The following PODNL1 variants were observed in gnomAD, a reference collection of about 807,000 sequenced individuals.
The protein encoded by PODNL1 is podocan-like protein 1.
In PODNL1, 50 loss-of-function variants were observed where a neutral mutation model predicts 45.1. The observed-to-expected ratio is 1.11, with a 90% CI of 0.88 to 1.40. The LOEUF (loss-of-function observed/expected upper bound fraction) is 1.40, where lower values mean the gene tolerates loss of function less well. PODNL1 is among the 40% of genes most tolerant of loss of function. PODNL1 has a pLI of 0.00. For synonymous variants in PODNL1, 406 were observed against 372.5 expected (o/e 1.09, Z -1.04); for missense variants, 788 against 793.3 (o/e 0.99, Z 0.08).
In PODNL1 at chr19:13,937,769, C is replaced by G; in HGVS notation, c.225+16G>C. ...TCTCAGCCCTGCATGCCCCCACTCC[C>G]CTCCGTGGGCCCCACCTGCAGGGAG... On this transcript the variant is annotated intron_variant, in intron 2 of 9. Coordinates refer to ENST00000588872, the MANE Select transcript of PODNL1 (RefSeq NM_001370095.3). 1.3e-6 allele frequency: 2 copies of G among 1,563,360 alleles called. No homozygotes were observed. Among genetic ancestry groups the G allele is most frequent in the Non-Finnish European group, 1.7e-6 (2 of 1,154,050 alleles).
rs1234834416 is a variant in PODNL1, at chr19:13,952,940, G to A, written c.18+179C>T. 4 of 886,792 alleles carry A rather than the reference G, an allele frequency of 4.5e-6. No individual in the cohort carries two copies. In the East Asian group the frequency reaches 1.2e-4, roughly 27 times the overall value. 54.9% of individuals were successfully genotyped at this position (886,792 alleles called of 1,614,324 possible). A position where few individuals can be genotyped will look rare whatever the true frequency, so the allele number is the denominator to read the frequency against. On this transcript the variant is annotated intron_variant, in intron 1 of 7. Transcript: ENST00000538371. ...AGGGAGGCGACCCCAGAGGCCGCAG[G>A]GAGAATCAGGAGGAAGGGGGCGATC... is the stretch of plus-strand genomic sequence containing the variant.
intron 3 of PODNL1, 106 bp from the exon 4 acceptor site, chr19:13,936,150 G>T: frequency 2.8e-6 from 3 of 1,082,210 alleles, no homozygotes; most frequent in Non-Finnish European, 4.1e-6. Flanking sequence ...ACTGGCAGAG[G>T]CTCCCCAGGC....
chr19:13,936,127 T>C, intron 3 of PODNL1, 83 bp from the exon 4 acceptor site: 1 of 1,286,586 alleles, frequency 7.8e-7, no homozygotes, highest in Non-Finnish European at 1.1e-6. Context: ...GCCCCAGGAC[T>C]CTCGGCCGGG....
chr19:13,952,420 G>T, intron 1 of PODNL1: 1 of 1,235,110 alleles, frequency 8.1e-7, no homozygotes, highest in Non-Finnish European at 1.0e-6. Flanking sequence ...TCGCCCAACC[G>T]GCGGGCCGCT....
chr19:13,943,443 C>T (rs1171227478), upstream of PODNL1, among the ~76,000 whole-genome samples: 3 of 152,084 alleles, frequency 2.0e-5, no homozygotes, highest in Non-Finnish European at 4.4e-5. Flanking sequence ...CTTCACTGAG[C>T]CTGTTTCTCC....
At chr19:13,941,745 G>A (rs992311344), upstream of PODNL1, among the ~76,000 whole-genome samples, 1 of 152,134 alleles carries the variant, frequency 6.6e-6, no homozygotes, top group South Asian at 2.1e-4. Flanking sequence ...CCTGGGAGGT[G>A]GAGGTTGCAG....
chr19:13,932,943 A>T lies in PODNL1; in HGVS notation c.1280T>A (p.Leu427Gln), dbSNP rs998971059. The T allele has an allele frequency of 5.8e-6, 9 of 1,563,376 alleles. No individual in the cohort carries two copies. The African/African-American group carries it at 1.2e-4, about 21-fold the overall frequency. ...CCGCAGCTGGTTGCGTTGCAGCTGC[A>T]GGGTGCGCAGGCCAGTGGGCAGGCC... Reference protein sequence around the residue: ...PMGLPTGLRTLQLQRNQLRML... With the variant: ...PMGLPTGLRTQQLQRNQLRML... The change falls in exon 8 of 10, where the codon CTG becomes CAG. Residue 427 changes from leucine to glutamine, a missense_variant. Physicochemically the swap from Leu to Gln is moderately radical, Grantham distance 113. This residue lies in a region of PODNL1 where 762 missense variants were observed against 750.9 expected (regional missense o/e 1.01). Transcript: ENST00000588872.
chr19:13,941,384 A>T (rs1183742515), upstream of PODNL1, among the ~76,000 whole-genome samples: 1 of 151,100 alleles, frequency 6.6e-6, no homozygotes, highest in South Asian at 2.1e-4. Flanking sequence ...AAAAAAAAAA[A>T]GTATAGCGTC....
Position 13,933,281 on chromosome 19 carries a change from G to C in PODNL1, c.942C>G (p.Asn314Lys). ...CGGGCAGCCCTGAGCTCCCCAGCTG[G>C]TTGTGCTGCAGCAACAAATAGCGCA... ...RGLRYLLLQHNQLGSSGLPAG... is the reference protein window; with the variant it reads ...RGLRYLLLQHKQLGSSGLPAG... Residue 314 changes from asparagine to lysine, a missense_variant, in exon 8 of 10, where the codon AAC (asparagine) becomes AAG (lysine). Transcript: ENST00000588872. This position sits in a 1 kb window ranked among gnomAD's most constrained non-coding sequence, Gnocchi z 5.2. The C allele has an allele frequency of 1.3e-6, 2 of 1,573,076 alleles. No homozygotes were observed. Among genetic ancestry groups the C allele is most frequent in the Non-Finnish European group, 8.6e-7 (1 of 1,164,694 alleles).
chr19:13,934,019 C>T (rs1226960384), intron 6 of PODNL1, 26 bp from the exon 7 acceptor site: 1 of 1,571,100 alleles, frequency 6.4e-7, no homozygotes, highest in African/African-American at 1.4e-5. Context: ...GAGAATGAGA[C>T]TTGAGTCTGG....
chr19:13,933,345 C>T lies in PODNL1; in HGVS notation c.878G>A (p.Arg293Gln), dbSNP rs200314809. The T allele has an allele frequency of 1.7e-4, 267 of 1,606,184 alleles. No individual in the cohort carries two copies. The highest frequency in any genetic ancestry group is 2.9e-4 in the South Asian group (26 of 90,696). Residue 293 changes from arginine to glutamine, a missense_variant, in exon 8 of 10, where the codon CGG becomes CAG. Around this residue, in one of 3 missense-constraint regions of PODNL1, gnomAD observed 762 missense variants for 750.9 expected, o/e 1.01. Coordinates refer to ENST00000588872, the MANE Select transcript of PODNL1 (RefSeq NM_001370095.3). This position sits in a 1 kb window ranked among gnomAD's most constrained non-coding sequence, Gnocchi z 5.2. Reference sequence around the variant, plus strand: ...GTGCAGCCGAGCCGCCTCCACCTGCCGGATGCGGTTGCGGCCCAGGTGCAG... The same window carrying T: ...GTGCAGCCGAGCCGCCTCCACCTGCTGGATGCGGTTGCGGCCCAGGTGCAG... Reference protein sequence around the residue: ...AILHLGRNRIRQVEAARLHGA... With the variant: ...AILHLGRNRIQQVEAARLHGA...
chr19:13,935,208 T>G (rs748190541), intron 5 of PODNL1, among the ~76,000 whole-genome samples: 2 of 152,096 alleles, frequency 1.3e-5, no homozygotes, highest in Non-Finnish European at 2.9e-5. Context: ...TGACACAGCA[T>G]ACAGGGCCCT....
rs758283944 is a variant in PODNL1 at position 13,946,613 on chromosome 19, C to T, written c.18+6506G>A. Among the ~76,000 whole-genome samples, 4 of 152,242 alleles carry T rather than the reference C, an allele frequency of 2.6e-5. No homozygotes were observed. In the South Asian group the frequency reaches 8.3e-4, roughly 32 times the overall value. On this transcript the variant is annotated intron_variant, in intron 1 of 7. Transcript: ENST00000538371. ...ATAATTTCTAGTTCTATTTACCTGC[C>T]CCATCCTGTTTTATGGCCCTTTTCC...
intron 1 of PODNL1, among the ~76,000 whole-genome samples, chr19:13,950,424 C>G (rs2145470168): frequency 6.6e-6 from 1 of 152,310 alleles, no homozygotes; most frequent in African/African-American, 2.4e-5. Flanking sequence ...CCCTCCTCTG[C>G]TTCCCAAAGT....
intron 1 of PODNL1, among the ~76,000 whole-genome samples, chr19:13,946,023 G>A (rs191207919): frequency 6.6e-6 from 1 of 152,150 alleles, no homozygotes; most frequent in African/African-American, 2.4e-5. Context: ...GGGCAACAGA[G>A]CAAGACCCTG....
rs768597065 is a variant in PODNL1 at position 13,934,225 on chromosome 19, GCCCGGGGTGGGACCTACAGCAGGGCTAC to G, written c.651+1_651+28del. 342 of 1,492,184 alleles carry G rather than the reference GCCCGGGGTGGGACCTACAGCAGGGCTAC, an allele frequency of 2.3e-4. No individual in the cohort carries two copies. Among genetic ancestry groups the G allele is most frequent in the Non-Finnish European group, 2.8e-4 (318 of 1,124,214 alleles). The allele number at this position is 1,492,184 out of a possible 1,614,324, so 92.4% of individuals were successfully genotyped here. On this transcript the variant is annotated splice_donor_variant and splice_donor_5th_base_variant and intron_variant, in intron 6 of 9. Transcript: ENST00000588872. LOFTEE classifies it high-confidence loss of function. Reference sequence around the variant, plus strand: ...CCTGGAAAGAGGTGAAGAGAGTCTGGCCCGGGGTGGGACCTACAGCAGGGCTACCTGCAGGTGGAGCCGCTCGAGTGAG... The same window carrying G: ...CCTGGAAAGAGGTGAAGAGAGTCTGGCTGCAGGTGGAGCCGCTCGAGTGAG...
At chr19:13,947,413 G>A (rs541683284) in intron 1 of PODNL1, among the ~76,000 whole-genome samples, 16 of 151,652 alleles carry the variant, frequency 1.1e-4, no homozygotes, top group East Asian at 9.7e-4. Flanking sequence ...CCCGGGAGAC[G>A]GAGGTTGCAG....
intron 1 of PODNL1, among the ~76,000 whole-genome samples, chr19:13,945,531 G>C (rs1972786832): frequency 6.6e-6 from 1 of 151,468 alleles, no homozygotes; most frequent in Non-Finnish European, 1.5e-5. Flanking sequence ...CTGCTGCCCA[G>C]GCTGGAGTGC....
rs761560787 is a variant in PODNL1, at chr19:13,933,723, CAG to C, written c.767+153_767+154del. ...GATGTCAGTGCAGGGCTGTGGGGAA[CAG>C]GGACACCTACCCAGTGCTCTGCCGA... On this transcript the variant is annotated intron_variant, in intron 7 of 9. Transcript: ENST00000588872. The surrounding 1 kb of genome is among the most constrained non-coding windows in gnomAD (Gnocchi z 5.2). Among the ~76,000 whole-genome samples the C allele has an allele frequency of 2.9e-4, 44 of 152,240 alleles. No homozygotes were observed. The highest frequency in any genetic ancestry group is 5.9e-4 in the Non-Finnish European group (40 of 68,012).
Sources: gnomAD v4.1 joint callset for allele counts (sites outside exome capture counted in the v4.1 genomes callset) on GRCh38, gnomAD v4.1.1 for gene constraint, gnomAD v4.1.1 regional missense constraint, Gnocchi (gnomAD v3.1) non-coding constraint, MANE v1.5 for transcripts, NCBI Gene and HGNC (gene_info 2026-07-23, HGNC 2026-07-21) for gene names.